SAE1: variants seen among roughly 807,000 people sequenced by gnomAD.
The protein encoded by SAE1 is SUMO1 activating enzyme subunit 1.
A neutral mutation model predicts 40.6 loss-of-function variants in SAE1; 11 were observed. The ratio of observed to expected loss-of-function variants is 0.27; its 90% CI spans 0.17 to 0.45. The LOEUF is 0.45. SAE1 is among the 20% of genes least tolerant of loss of function. The pLI is 1.00. For synonymous variants in SAE1, 155 were observed against 154.3 expected (o/e 1.00, Z -0.03); for missense variants, 373 against 427.3 (o/e 0.87, Z 1.12).
intron 6 of SAE1, among the ~76,000 whole-genome samples, chr19:47,172,300 G>A (rs2058439615): frequency 1.3e-5 from 2 of 152,190 alleles, no homozygotes; most frequent in African/African-American, 4.8e-5. Flanking sequence ...CATGTGAGTG[G>A]GCTGCACTCA....
chr19:47,178,887 A>C (rs2058486751), intron 6 of SAE1, among the ~76,000 whole-genome samples: 2 of 152,146 alleles, frequency 1.3e-5, no homozygotes. Flanking sequence ...TTTTGACTGC[A>C]TACCCTCAAA....
intron 8 of SAE1, among the ~76,000 whole-genome samples, chr19:47,205,005 A>G (rs960599993): frequency 3.9e-5 from 6 of 152,190 alleles, no homozygotes; most frequent in African/African-American, 1.4e-4. Flanking sequence ...GTCTTCTGGA[A>G]CATTTGGGTT....
chr19:47,165,911 G>T (rs1352220571), intron 5 of SAE1, among the ~76,000 whole-genome samples: 1 of 152,218 alleles, frequency 6.6e-6, no homozygotes, highest in Non-Finnish European at 1.5e-5. Context: ...GTCATTATGT[G>T]TATCTGCATC....
intron 5 of SAE1, among the ~76,000 whole-genome samples, chr19:47,168,751 C>G (rs1380544259): frequency 2.6e-5 from 4 of 152,046 alleles, no homozygotes; most frequent in Admixed American, 2.0e-4. Context: ...TTACAGGTGC[C>G]TGCCACCACG....
chr19:47,180,861 T>C (rs1379046597), intron 6 of SAE1, among the ~76,000 whole-genome samples: 4 of 152,192 alleles, frequency 2.6e-5, no homozygotes, highest in African/African-American at 2.4e-5. Flanking sequence ...TAGAGAGACA[T>C]TGGAGAACCC....
chr19:47,139,243 C>T (rs888029574), intron 1 of SAE1, among the ~76,000 whole-genome samples: 2 of 152,198 alleles, frequency 1.3e-5, no homozygotes, highest in South Asian at 2.1e-4. Flanking sequence ...GGGGTTTCAC[C>T]GTGTTAGCCA....
At chr19:47,158,411 G>A (rs186682260) in intron 5 of SAE1, among the ~76,000 whole-genome samples, 1 of 152,240 alleles carries the variant, frequency 6.6e-6, no homozygotes, top group East Asian at 1.9e-4. Flanking sequence ...GATTTGAGAC[G>A]GATTTCGTCA....
Position 47,152,914 on chromosome 19 carries a change from G to C in SAE1, c.401G>C (p.Cys134Ser). 6.2e-7 allele frequency: 1 copy of C among 1,611,828 alleles called. No individual in the cohort carries two copies. The change falls in exon 4 of 9, where the codon TGC becomes TCC. Residue 134 changes from cysteine (C) to serine (S), a missense_variant. By Grantham distance (112) the Cys-to-Ser change is moderately radical. Transcript: ENST00000270225. ...TTTCTGCAGGTGTGTCTGACTTGCT[G>C]CTCCAGGGATGTCATAGTTAAAGTT... The part of the protein sequence containing the change: ...TQFDAVCLTC[C>S]SRDVIVKVDQ...
chr19:47,183,279 G>C (rs537112156), intron 6 of SAE1, among the ~76,000 whole-genome samples: 11 of 151,910 alleles, frequency 7.2e-5, no homozygotes, highest in Admixed American at 7.2e-4. Flanking sequence ...ACTAGATCAG[G>C]TCTTGTCCTG....
At position 47,203,720 on chromosome 19, in the gene SAE1, T is replaced by C. The variant is rs753678559; in HGVS notation, c.928T>C (p.Leu310=). ...AGTGTGTGCGGTGGTTGGAGGGATTTTGGCACAGGAAATTGTGAAGGTAAA... is the reference window on the plus strand; with the variant it reads ...AGTGTGTGCGGTGGTTGGAGGGATTCTGGCACAGGAAATTGTGAAGGTAAA... The part of the protein sequence containing the change: ...APVCAVVGGI[L]AQEIVKALSQ... Residue 310 remains leucine (L), a synonymous_variant, in exon 8 of 9, where the codon TTG becomes CTG. Coordinates refer to ENST00000270225, the MANE Select transcript of SAE1 (RefSeq NM_005500.3). The C allele has an allele frequency of 6.2e-7, 1 of 1,614,124 alleles. No individual in the cohort carries two copies. Among genetic ancestry groups the C allele is most frequent in the South Asian group, 1.1e-5 (1 of 91,068 alleles).
intron 2 of SAE1, among the ~76,000 whole-genome samples, chr19:47,144,643 G>A (rs1188336935): frequency 2.0e-5 from 3 of 151,974 alleles, no homozygotes; most frequent in East Asian, 1.9e-4. Flanking sequence ...AGCTTGCAAC[G>A]AGCCGAGATC....
At chr19:47,188,453 A>G (rs1568605418) in intron 6 of SAE1, among the ~76,000 whole-genome samples, 1 of 152,224 alleles carries the variant, frequency 6.6e-6, no homozygotes, top group Non-Finnish European at 1.5e-5. Flanking sequence ...CTGAGGCAGT[A>G]TCGTGTCCAG....
At chr19:47,167,431 G>A (rs2058400850) in intron 5 of SAE1, among the ~76,000 whole-genome samples, 3 of 151,570 alleles carry the variant, frequency 2.0e-5, no homozygotes, top group Non-Finnish European at 4.4e-5. Flanking sequence ...TAGTAGAGAC[G>A]GAGTTTCGCC....
intron 1 of SAE1, among the ~76,000 whole-genome samples, chr19:47,139,754 A>AT (rs2058207013): frequency 6.9e-6 from 1 of 144,218 alleles, no homozygotes; most frequent in African/African-American, 2.6e-5. Flanking sequence ...ACTCCCGGCC[A>AT]ATTTTTTTTT....
intron 6 of SAE1, among the ~76,000 whole-genome samples, chr19:47,179,206 AAAG>A (rs2058489757): frequency 6.7e-6 from 1 of 149,882 alleles, no homozygotes; most frequent in Non-Finnish European, 1.5e-5. Flanking sequence ...AAAAAAAAAA[AAAG>A]AAAGAAAAAT....
chr19:47,138,156 G>T (rs2058194187), intron 1 of SAE1, among the ~76,000 whole-genome samples: 1 of 152,166 alleles, frequency 6.6e-6, no homozygotes, highest in Admixed American at 6.6e-5. Context: ...CAATTCTCCT[G>T]CCTCAGCCTC....
At chr19:47,151,370 T>C (rs933166347) in intron 3 of SAE1, among the ~76,000 whole-genome samples, 1 of 152,072 alleles carries the variant, frequency 6.6e-6, no homozygotes, top group African/African-American at 2.4e-5. Flanking sequence ...AGGCTGGTCT[T>C]GAACCCCTGA....
rs555226554 is a variant in SAE1 at position 47,166,632 on chromosome 19, CAA to C, written c.628-3184_628-3183del. On this transcript the variant is annotated intron_variant, in intron 5 of 8. Coordinates refer to ENST00000270225, the MANE Select transcript of SAE1 (RefSeq NM_005500.3). ...TCGTTGCTTATAGTCAGGCAAACAA[CAA>C]AGACTCCGAATTGAGCTCTTGGTAA... Among the ~76,000 whole-genome samples the C allele has an allele frequency of 5.2e-3, 786 of 152,268 alleles. 6 individuals carry two copies. Among genetic ancestry groups the C allele is most frequent in the African/African-American group, 0.018 (742 of 41,534 alleles).
chr19:47,195,718 TC>T (rs1379538448), intron 6 of SAE1, among the ~76,000 whole-genome samples: 1 of 148,126 alleles, frequency 6.8e-6, no homozygotes, highest in Non-Finnish European at 1.5e-5. Context: ...TTGTTCCTTT[TC>T]CTTTCCTTTT....
Sources: gnomAD v4.1 joint callset for allele counts (sites outside exome capture counted in the v4.1 genomes callset) on GRCh38, gnomAD v4.1.1 for gene constraint, MANE v1.5 for transcripts, NCBI Gene and HGNC (gene_info 2026-07-23, HGNC 2026-07-21) for gene names.